CNTNAP4: variants seen among roughly 807,000 people sequenced by gnomAD.
CNTNAP4 encodes the protein contactin-associated protein-like 4.
Under a neutral mutation model 148.4 loss-of-function variants are expected in CNTNAP4, and 98 were observed. The ratio of observed to expected loss-of-function variants is 0.66; its 90% CI spans 0.56 to 0.78. The LOEUF is 0.78. Ranked by LOEUF, CNTNAP4 falls within the 30% of genes least tolerant of loss-of-function variation. The pLI is 0.00. For missense variants in CNTNAP4, 1,935 were observed against 1,565.6 expected, an observed-to-expected ratio of 1.24 and a Z score of -3.98; for synonymous variants, 730 against 565.1, an observed-to-expected ratio of 1.29 and a Z score of -4.14.
chr16:76,394,353 C>A (rs572504912), intron 3 of CNTNAP4, among the ~76,000 whole-genome samples: 35 of 152,260 alleles, frequency 2.3e-4, no homozygotes, highest in Admixed American at 6.5e-4. Flanking sequence ...CACACGTACA[C>A]ACTTCATAGT....
intron 21 of CNTNAP4, among the ~76,000 whole-genome samples, chr16:76,545,081 G>T (rs1303721921): frequency 6.6e-6 from 1 of 152,154 alleles, no homozygotes; most frequent in Non-Finnish European, 1.5e-5. Flanking sequence ...TAATGGATTG[G>T]TTATTTTAAA....
chr16:76,393,153 A>G (rs987133683), intron 3 of CNTNAP4, among the ~76,000 whole-genome samples: 4 of 152,230 alleles, frequency 2.6e-5, no homozygotes, highest in Admixed American at 2.0e-4. Context: ...TTAGGAAACC[A>G]ACAAACCCCT....
At chr16:76,353,882 C>A (rs1420407291) in intron 2 of CNTNAP4, among the ~76,000 whole-genome samples, 2 of 152,170 alleles carry the variant, frequency 1.3e-5, no homozygotes, top group Non-Finnish European at 2.9e-5. Flanking sequence ...GCCTTCAGGT[C>A]CTACAATGGC....
chr16:76,397,954 A>T (rs1190542358), intron 3 of CNTNAP4, among the ~76,000 whole-genome samples: 1 of 8,866 alleles, frequency 1.1e-4, no homozygotes, highest in African/African-American at 5.5e-4. Context: ...ACATATATAT[A>T]TATATATATA....
At chr16:76,481,900 G>A (rs1423950063) in intron 12 of CNTNAP4, among the ~76,000 whole-genome samples, 1 of 152,084 alleles carries the variant, frequency 6.6e-6, no homozygotes, top group Non-Finnish European at 1.5e-5. Context: ...AGAGGAGAGA[G>A]GCAAGTTGGG....
intron 15 of CNTNAP4, among the ~76,000 whole-genome samples, chr16:76,518,061 A>T (rs2083315671): frequency 6.6e-6 from 1 of 152,202 alleles, no homozygotes; most frequent in Non-Finnish European, 1.5e-5. Flanking sequence ...ATATGGATTT[A>T]TTCTTTTATA....
Position 76,410,537 on chromosome 16 carries a change from G to C in CNTNAP4, c.391-16915G>C, listed in dbSNP as rs1050438143. ...GTGTTATTATTGATTGAAATAAGCA[G>C]TTTACACCAGTCTAAAACAGTGTCC... On this transcript the variant is annotated intron_variant, in intron 3 of 23. Coordinates refer to ENST00000611870, the MANE Select transcript of CNTNAP4 (RefSeq NM_033401.5). 7.3e-5 allele frequency among the ~76,000 whole-genome samples: 11 copies of C among 151,628 alleles called. No homozygotes were observed. The Admixed American group carries it at 7.3e-4, about 10-fold the overall frequency.
chr16:76,287,339 A>G (rs556478911), intron 1 of CNTNAP4, among the ~76,000 whole-genome samples: 1 of 152,320 alleles, frequency 6.6e-6, no homozygotes, highest in South Asian at 2.1e-4. Flanking sequence ...TAAAATTGTG[A>G]TCACCATAAT....
At chr16:76,315,821 C>T (rs542810857) in intron 1 of CNTNAP4, among the ~76,000 whole-genome samples, 2 of 151,990 alleles carry the variant, frequency 1.3e-5, no homozygotes, top group African/African-American at 4.8e-5. Context: ...TCTTGAACTC[C>T]TGACATCCAG....
intron 18 of CNTNAP4, among the ~76,000 whole-genome samples, chr16:76,537,266 C>A (rs2144259555): frequency 6.6e-6 from 1 of 152,150 alleles, no homozygotes; most frequent in East Asian, 1.9e-4. Flanking sequence ...AATAATGAAA[C>A]AATTAAAAAC....
rs573970848 is a variant in CNTNAP4 at position 76,316,359 on chromosome 16, C to G, written c.86-54C>G. The G allele has an allele frequency of 2.4e-5, 28 of 1,151,620 alleles. No homozygotes were observed. The East Asian group carries it at 6.6e-4, about 27-fold the overall frequency. The allele number at this position is 1,151,620 out of a possible 1,614,324, so 71.3% of individuals were successfully genotyped here. A position where few individuals can be genotyped will look rare whatever the true frequency, so the allele number is the denominator to read the frequency against. ...TTGTTGGTTGTTTTGTCTATTGATT[C>G]CACGAAAGCCTCAGCACTAACTAAC... On this transcript the variant is annotated intron_variant, in intron 1 of 23. Transcript: ENST00000611870.
chr16:76,302,679 TATAAC>T (rs1054730938), intron 1 of CNTNAP4, among the ~76,000 whole-genome samples: 6 of 152,210 alleles, frequency 3.9e-5, no homozygotes, highest in Non-Finnish European at 7.3e-5. Context: ...AGTTTTGCTA[TATAAC>T]ATAACATAAG....
intron 1 of CNTNAP4, among the ~76,000 whole-genome samples, chr16:76,311,280 T>C (rs1339453292): frequency 6.6e-6 from 1 of 152,140 alleles, no homozygotes; most frequent in Non-Finnish European, 1.5e-5. Context: ...ATGCAAGCTA[T>C]AGTGAAGGAG....
chr16:76,305,800 G>A (rs187149266), intron 1 of CNTNAP4, among the ~76,000 whole-genome samples: 2 of 152,232 alleles, frequency 1.3e-5, no homozygotes, highest in Admixed American at 6.5e-5. Context: ...TTCAACACAT[G>A]GTCCCCTCCC....
chr16:76,327,557 C>T (rs1963116762), intron 2 of CNTNAP4, among the ~76,000 whole-genome samples: 1 of 152,182 alleles, frequency 6.6e-6, no homozygotes, highest in Non-Finnish European at 1.5e-5. Flanking sequence ...CTGTCTCTCT[C>T]TCAGCCAGAA....
chr16:76,353,075 T>C (rs564885251), intron 2 of CNTNAP4, among the ~76,000 whole-genome samples: 44 of 152,316 alleles, frequency 2.9e-4, no homozygotes, highest in African/African-American at 1.1e-3. Flanking sequence ...ACAGGTTCTT[T>C]AAGAACAAAT....
intron 2 of CNTNAP4, among the ~76,000 whole-genome samples, chr16:76,348,323 A>G (rs539124380): frequency 7.8e-4 from 119 of 152,176 alleles, no homozygotes; most frequent in African/African-American, 2.7e-3. Flanking sequence ...GATCAAGTAG[A>G]ATAGAATTCT....
At chr16:76,418,133 C>G (rs139151501) in intron 3 of CNTNAP4, among the ~76,000 whole-genome samples, 20 of 151,520 alleles carry the variant, frequency 1.3e-4, no homozygotes, top group African/African-American at 4.8e-4. Context: ...TTTCCTGGAT[C>G]TACAGTTCAG....
At chr16:76,322,370 A>C (rs1387407718) in intron 2 of CNTNAP4, among the ~76,000 whole-genome samples, 1 of 152,150 alleles carries the variant, frequency 6.6e-6, no homozygotes, top group Non-Finnish European at 1.5e-5. Context: ...ACAGAACTTG[A>C]GCCTCCCAGA....
Sources: gnomAD v4.1 joint callset for allele counts (sites outside exome capture counted in the v4.1 genomes callset) on GRCh38, gnomAD v4.1.1 for gene constraint, MANE v1.5 for transcripts, NCBI Gene and HGNC (gene_info 2026-07-23, HGNC 2026-07-21) for gene names.